Variants in SYNE2 observed in about 807,000 individuals in gnomAD.
SYNE2 encodes the protein spectrin repeat containing nuclear envelope protein 2, also known as nesprin-2.
In SYNE2, 431 loss-of-function variants were observed where a neutral mutation model predicts 856.3. The ratio of observed to expected loss-of-function variants is 0.50; its 90% CI spans 0.47 to 0.55. SYNE2 has a LOEUF of 0.55. Ranked by LOEUF, SYNE2 falls within the 20% of genes least tolerant of loss-of-function variation. SYNE2 has a pLI of 0.00. For synonymous variants in SYNE2, 2,923 were observed against 2,872.3 expected, an observed-to-expected ratio of 1.02 and a Z score of -0.56; for missense variants, 8,129 against 8,023.2, an observed-to-expected ratio of 1.01 and a Z score of -0.50.
chr14:63,820,376 A>G (rs924015630), intron 1 of SYNE2, among the ~76,000 whole-genome samples: 2 of 152,238 alleles, frequency 1.3e-5, no homozygotes, highest in African/African-American at 2.4e-5. Flanking sequence ...GTTTCAATGC[A>G]TACTTGGTGC....
Position 64,027,652 on chromosome 14 carries a change from A to C in SYNE2, c.6573A>C (p.Lys2191Asn), listed in dbSNP as rs747990037. Residue 2191 changes from lysine to asparagine, a missense_variant, in exon 43 of 116, where the codon AAA (lysine) becomes AAC (asparagine). Physicochemically the swap from Lys to Asn is moderately conservative, Grantham distance 94. Transcript: ENST00000555002. Reference sequence around the variant, plus strand: ...AGATTTATAAGAAATTCCTCAAGAAAGCCCAAGATTTGACATCCTTGCTAA... The same window carrying C: ...AGATTTATAAGAAATTCCTCAAGAACGCCCAAGATTTGACATCCTTGCTAA... The part of the protein sequence containing the change: ...QLKIYKKFLK[K>N]AQDLTSLLKE... 6 of 1,614,058 alleles carry C rather than the reference A, an allele frequency of 3.7e-6. No homozygotes were observed. In the Admixed American group the frequency reaches 1.0e-4, roughly 27 times the overall value.
At chr14:64,135,097 C>T (rs1403170271) in intron 78 of SYNE2, among the ~76,000 whole-genome samples, 2 of 152,088 alleles carry the variant, frequency 1.3e-5, no homozygotes, top group Admixed American at 6.6e-5. Flanking sequence ...AAGATAAAAC[C>T]TCAAAATAGT....
chr14:64,216,554 GAACCCCGGCA>G, intron 108 of SYNE2, 167 bp downstream of exon 108: 1 of 795,562 alleles, frequency 1.3e-6, no homozygotes, highest in East Asian at 2.6e-5. Context: ...TACTTCATTA[GAACCCCGGCA>G]AAACCGATTA....
intron 95 of SYNE2, 34 bp downstream of exon 95, chr14:64,175,172 T>C (rs764977508): frequency 1.9e-6 from 3 of 1,610,424 alleles, no homozygotes; most frequent in African/African-American, 1.3e-5. Context: ...ATTCATGATA[T>C]TCAAATTCAG....
chr14:64,222,138 C>T (rs945432384), intron 112 of SYNE2, among the ~76,000 whole-genome samples: 8 of 152,172 alleles, frequency 5.3e-5, no homozygotes, highest in Admixed American at 2.6e-4. Flanking sequence ...GTCACTAACA[C>T]ACCAAGATGA....
intron 1 of SYNE2, among the ~76,000 whole-genome samples, chr14:63,897,231 C>A (rs908500298): frequency 6.6e-6 from 1 of 151,924 alleles, no homozygotes; most frequent in Non-Finnish European, 1.5e-5. Context: ...CCAGCCTGGG[C>A]GACAGAGTGA....
chr14:63,795,340 A>G (rs541520947), intron 1 of SYNE2, among the ~76,000 whole-genome samples: 2 of 152,088 alleles, frequency 1.3e-5, no homozygotes, highest in Non-Finnish European at 2.9e-5. Flanking sequence ...CCCAGCCTAC[A>G]TCTTTCTCCT....
intron 10 of SYNE2, among the ~76,000 whole-genome samples, chr14:63,966,990 C>T (rs775726820): frequency 3.3e-5 from 5 of 151,984 alleles, no homozygotes; most frequent in Admixed American, 6.5e-5. Flanking sequence ...CTCAGCCTCC[C>T]GAGTAGCTGG....
intron 34 of SYNE2, among the ~76,000 whole-genome samples, 192 bp downstream of exon 34, chr14:64,017,948 G>C (rs2096906238): frequency 6.6e-6 from 1 of 152,186 alleles, no homozygotes; most frequent in African/African-American, 2.4e-5. Context: ...ATGGGATTTA[G>C]TAAGTCTATT....
rs140110417 is a variant in SYNE2 at position 64,084,750 on chromosome 14, A to G, written c.11485-2921A>G. The stretch of plus-strand genomic sequence containing the variant: ...CATAAGTTAGCAGCTTGAAACAACA[A>G]ACTTATTATCACAGTTTCTGTGGGT... On this transcript the variant is annotated intron_variant, in intron 57 of 115. Coordinates refer to ENST00000555002, the MANE Select transcript of SYNE2 (RefSeq NM_182914.3). The G allele has an allele frequency of 1.2e-3, 625 of 504,332 alleles. 2 individuals are homozygous for G. The highest frequency in any genetic ancestry group is 0.011 in the African/African-American group (586 of 52,902). 31.2% of individuals were successfully genotyped at this position (504,332 alleles called of 1,614,324 possible).
rs2097591723 is a variant in SYNE2, at chr14:64,089,581, T to A, written c.11678T>A (p.Val3893Asp). The change falls in exon 59 of 116, where the codon GTT (valine) becomes GAT (aspartate). Residue 3893 changes from valine to aspartate, a missense_variant. Val to Asp is a radical substitution (Grantham distance 152, BLOSUM62 -3). Coordinates refer to ENST00000555002, the MANE Select transcript of SYNE2 (RefSeq NM_182914.3). ...PQIQRMADDV[V>D]AIESEVKSME... ...GTTCTTCTGAAATTCTAGGATGTGG[T>A]TGCTATTGAATCTGAAGTAAAATCA... The A allele has an allele frequency of 3.7e-6, 6 of 1,609,486 alleles. No homozygotes were observed. Among genetic ancestry groups the A allele is most frequent in the Non-Finnish European group, 4.2e-6 (5 of 1,176,928 alleles).
chr14:63,902,638 C>G (rs1295118010), intron 1 of SYNE2, among the ~76,000 whole-genome samples: 1 of 151,894 alleles, frequency 6.6e-6, no homozygotes. Flanking sequence ...GAGACTCAAT[C>G]TAGCCCTTAG....
intron 2 of SYNE2, among the ~76,000 whole-genome samples, chr14:63,928,442 A>G (rs184701406): frequency 2.0e-5 from 3 of 152,360 alleles, no homozygotes; most frequent in South Asian, 2.1e-4. Flanking sequence ...TATTGATTCA[A>G]TAAGTGAGAG....
chr14:64,226,086 CTTTAAATT>C lies in SYNE2; in HGVS notation c.*567_*574del, dbSNP rs2098717231. ...TACCTAGCTCTGCTCTTTTATATTG[CTTTAAATT>C]TTTAAAGAAATTGTATTGCATGGAT... On this transcript the variant is annotated 3_prime_UTR_variant, in exon 116 of 116. Coordinates refer to ENST00000555002, the MANE Select transcript of SYNE2 (RefSeq NM_182914.3). The C allele has an allele frequency of 6.3e-6, 1 of 158,898 alleles. No homozygotes were observed. The highest frequency in any genetic ancestry group is 1.4e-5 in the Non-Finnish European group (1 of 71,834). The allele number at this position is 158,898 out of a possible 1,614,324, so 9.8% of individuals were successfully genotyped here.
At chr14:64,065,708 T>C (rs907674696) in intron 51 of SYNE2, 58 bp downstream of exon 51, 16 of 1,580,294 alleles carry the variant, frequency 1.0e-5, no homozygotes, top group Non-Finnish European at 1.3e-5. Flanking sequence ...TAAATTGTTT[T>C]ATTACTTTCA....
At chr14:64,218,303 T>C in intron 108 of SYNE2, 95 bp from the exon 109 acceptor site, 1 of 1,117,728 alleles carries the variant, frequency 8.9e-7, no homozygotes, top group Non-Finnish European at 1.3e-6. Context: ...AAGGGGCCCA[T>C]CTCATTTCTT....
chr14:63,837,732 T>G (rs1008666673), intron 1 of SYNE2, among the ~76,000 whole-genome samples: 3 of 151,100 alleles, frequency 2.0e-5, no homozygotes, highest in African/African-American at 7.3e-5. Flanking sequence ...CTGGGCAATA[T>G]AGTAAGACCC....
chr14:64,162,297 GA>G, intron 88 of SYNE2, 21 bp downstream of exon 88: 5 of 1,613,176 alleles, frequency 3.1e-6, no homozygotes, highest in Non-Finnish European at 4.2e-6. Flanking sequence ...AGCCCATTTG[GA>G]AAACCAAGGC....
rs753815628 is a variant in SYNE2 at position 64,002,813 on chromosome 14, C to G, written c.3880C>G (p.Leu1294Val). The G allele has an allele frequency of 6.2e-7, 1 of 1,614,108 alleles. No individual in the cohort carries two copies. Among genetic ancestry groups the G allele is most frequent in the East Asian group, 2.2e-5 (1 of 44,884 alleles). Residue 1294 changes from leucine to valine, a missense_variant, in exon 30 of 116, where the codon CTA becomes GTA. Transcript: ENST00000555002. ...FVLKELHPFD[L>V]HAMQNIILKY... ...ATTAAAGGAGTTACACCCATTTGAT[C>G]TACACGCAATGCAGAATATTATACT...
Sources: allele counts gnomAD v4.1 joint callset (sites outside exome capture counted in the v4.1 genomes callset), GRCh38; gene constraint gnomAD v4.1.1; transcripts MANE v1.5; gene names NCBI Gene and HGNC (gene_info 2026-07-23, HGNC 2026-07-21).